Variants in DNAH6 observed in about 807,000 individuals in gnomAD.
DNAH6 encodes the protein axonemal beta dynein heavy chain 6.
DNAH6 carries 340 observed loss-of-function variants against 491.4 expected under a neutral mutation model. The ratio of observed to expected loss-of-function variants is 0.69; its 90% CI spans 0.63 to 0.76. The LOEUF is 0.76. Among genes scored for constraint, DNAH6 ranks in the 30% least tolerant of loss-of-function variants. DNAH6 has a pLI of 0.00. For synonymous variants in DNAH6, 1,603 were observed against 1,686.1 expected (o/e 0.95, Z 1.21); for missense variants, 4,443 against 4,972.2 (o/e 0.89, Z 3.20).
chr2:84,817,950 C>T (rs1394051436), intron 76 of DNAH6, among the ~76,000 whole-genome samples: 1 of 152,180 alleles, frequency 6.6e-6, no homozygotes, highest in Non-Finnish European at 1.5e-5. Context: ...CAGCCAAACA[C>T]CTTCCATTAA....
intron 15 of DNAH6, among the ~76,000 whole-genome samples, chr2:84,587,803 C>A (rs1273875719): frequency 6.6e-6 from 1 of 152,090 alleles, no homozygotes; most frequent in Non-Finnish European, 1.5e-5. Flanking sequence ...TCCCTCATGG[C>A]GAATAGATGG....
chr2:84,802,752 A>G (rs1679048894), intron 70 of DNAH6, among the ~76,000 whole-genome samples: 1 of 152,176 alleles, frequency 6.6e-6, no homozygotes, highest in African/African-American at 2.4e-5. Flanking sequence ...TAACCAAAGA[A>G]TATACAGTCT....
At position 84,703,519 on chromosome 2, in the gene DNAH6, C is replaced by A. The variant is rs1696130668; in HGVS notation, c.8186C>A (p.Ala2729Asp). 6.4e-7 allele frequency: 1 copy of A among 1,551,130 alleles called. No individual in the cohort carries two copies. Among genetic ancestry groups the A allele is most frequent in the African/African-American group, 1.4e-5 (1 of 72,988 alleles). ...TTAGCAAAATCAGAAGATGTTGAAG[C>A]CCTGATGGAAAAATTGGCAGTGGAT... ...VLLAKSEDVE[A>D]LMEKLAVDQE... The change falls in exon 50 of 77, where the codon GCC (alanine) becomes GAC (aspartate). Residue 2729 changes from alanine to aspartate, a missense_variant. Physicochemically the swap from Ala to Asp is moderately radical, Grantham distance 126 (BLOSUM62 -2). Around this residue, in one of 3 missense-constraint regions of DNAH6, gnomAD observed 2,977 missense variants for 3,296.6 expected, o/e 0.90. Coordinates refer to ENST00000389394, the MANE Select transcript of DNAH6 (RefSeq NM_001370.2).
chr2:84,507,142 T>G, the DNAH6 span, among the ~76,000 whole-genome samples: 124 of 152,262 alleles, frequency 8.1e-4, no homozygotes, highest in African/African-American at 2.8e-3. Flanking sequence ...ATTGAATCTA[T>G]AAATTACCTT....
intron 70 of DNAH6, among the ~76,000 whole-genome samples, chr2:84,800,868 T>A (rs528769348): frequency 6.6e-6 from 1 of 151,928 alleles, no homozygotes; most frequent in Non-Finnish European, 1.5e-5. Context: ...AATGATAGAC[T>A]GGATTAAGAA....
chr2:84,506,895 C>A, the DNAH6 span, among the ~76,000 whole-genome samples: 4 of 152,132 alleles, frequency 2.6e-5, no homozygotes, highest in South Asian at 8.3e-4. Context: ...GGCATTATTT[C>A]TGAGGGCTCT....
intron 63 of DNAH6, among the ~76,000 whole-genome samples, chr2:84,751,866 A>G (rs1252396711): frequency 6.6e-6 from 1 of 152,242 alleles, no homozygotes; most frequent in East Asian, 1.9e-4. Flanking sequence ...TGCATTTCTA[A>G]CAAGTTACCA....
At chr2:84,633,560 A>G (rs1023471730) in intron 29 of DNAH6, among the ~76,000 whole-genome samples, 3 of 152,052 alleles carry the variant, frequency 2.0e-5, no homozygotes, top group Non-Finnish European at 4.4e-5. Context: ...ATGAATTGCA[A>G]CTTGTGTATA....
At chr2:84,627,196 C>CT (rs1687962385) in intron 29 of DNAH6, among the ~76,000 whole-genome samples, 1 of 152,174 alleles carries the variant, frequency 6.6e-6, no homozygotes, top group African/African-American at 2.4e-5. Context: ...CAACAAGAGG[C>CT]TTTTTTGAAA....
At chr2:84,693,066 C>T (rs1370488354) in intron 45 of DNAH6, among the ~76,000 whole-genome samples, 1 of 152,056 alleles carries the variant, frequency 6.6e-6, no homozygotes. Flanking sequence ...TCTTTGGGTC[C>T]GTGGGTTCAG....
intron 65 of DNAH6, 47 bp from the exon 66 acceptor site, chr2:84,784,675 C>A: frequency 8.2e-7 from 1 of 1,223,174 alleles, no homozygotes; most frequent in Non-Finnish European, 1.2e-6. Context: ...GTGCTACTAC[C>A]AACTAAACAT....
intron 32 of DNAH6, among the ~76,000 whole-genome samples, chr2:84,641,453 A>G (rs898271678): frequency 6.6e-5 from 10 of 152,214 alleles, no homozygotes; most frequent in African/African-American, 2.4e-4. Flanking sequence ...TGGGTCGTAG[A>G]GACAGACCAA....
chr2:84,512,807 C>T (rs899578322), upstream of DNAH6, among the ~76,000 whole-genome samples: 1 of 152,034 alleles, frequency 6.6e-6, no homozygotes, highest in Non-Finnish European at 1.5e-5. Context: ...TAGCCACTGC[C>T]ACTTTCTTTT....
At position 84,705,821 on chromosome 2, in the gene DNAH6, A is replaced by G. The variant is rs1696376432; in HGVS notation, c.8727+74A>G. 6 of 1,456,214 alleles carry G rather than the reference A, an allele frequency of 4.1e-6. No individual in the cohort carries two copies. The South Asian group carries it at 8.5e-5, about 21-fold the overall frequency. The allele number at this position is 1,456,214 out of a possible 1,614,324, so 90.2% of individuals were successfully genotyped here. A position where few individuals can be genotyped will look rare whatever the true frequency, so the allele number is the denominator to read the frequency against. On this transcript the variant is annotated intron_variant, in intron 52 of 76. Coordinates refer to ENST00000389394, the MANE Select transcript of DNAH6 (RefSeq NM_001370.2). ...CCAGTCATTTCAAGTTCTCTGTATA[A>G]TGTTACTGTGGTCCTACGCAATATA...
chr2:84,742,990 C>T (rs946530214), intron 62 of DNAH6, among the ~76,000 whole-genome samples: 1 of 152,150 alleles, frequency 6.6e-6, no homozygotes, highest in Admixed American at 6.5e-5. Flanking sequence ...GCATTCCCCC[C>T]TAGTCTTTTG....
chr2:84,745,751 C>G (rs1332199732), intron 63 of DNAH6, among the ~76,000 whole-genome samples: 1 of 151,906 alleles, frequency 6.6e-6, no homozygotes, highest in South Asian at 2.1e-4. Flanking sequence ...AGAGAGCCAG[C>G]CAGGGCCATG....
At chr2:84,708,613 AAG>A (rs1474661237) in intron 54 of DNAH6, among the ~76,000 whole-genome samples, 5 of 150,956 alleles carry the variant, frequency 3.3e-5, no homozygotes, top group Non-Finnish European at 5.9e-5. Flanking sequence ...GAAGGAAGGA[AAG>A]AGAGGGAGAT....
chr2:84,595,841 T>A, intron 18 of DNAH6, 52 bp downstream of exon 18: 1 of 1,437,092 alleles, frequency 7.0e-7, no homozygotes, highest in Non-Finnish European at 9.2e-7. Flanking sequence ...GGTTATTAAT[T>A]GATGCTAATG....
chr2:84,770,403 A>G (rs1675494817), intron 64 of DNAH6, among the ~76,000 whole-genome samples: 1 of 152,204 alleles, frequency 6.6e-6, no homozygotes, highest in African/African-American at 2.4e-5. Context: ...CTAGACAAAA[A>G]CTTTAAATCA....
Sources: allele counts gnomAD v4.1 joint callset (sites outside exome capture counted in the v4.1 genomes callset), GRCh38; gene constraint gnomAD v4.1.1; regional missense constraint gnomAD v4.1.1; transcripts MANE v1.5; gene names NCBI Gene and HGNC (gene_info 2026-07-23, HGNC 2026-07-21).